ENTREP1: variants seen among roughly 807,000 people sequenced by gnomAD.
The protein encoded by ENTREP1 is endosomal transmembrane epsin interactor 1.
At chr9:69,364,296 C>T in the ENTREP1 span, among the ~76,000 whole-genome samples, 1 of 151,872 alleles carries the variant, frequency 6.6e-6, no homozygotes, top group Admixed American at 6.6e-5. Context: ...TAAGATATCA[C>T]AGCAAACAAG....
chr9:69,347,031 G>T, the ENTREP1 span, among the ~76,000 whole-genome samples: 1 of 152,236 alleles, frequency 6.6e-6, no homozygotes, highest in Admixed American at 6.5e-5. Context: ...CTAAAGGACG[G>T]ATTGGAGCAC....
the ENTREP1 span, among the ~76,000 whole-genome samples, chr9:69,391,384 T>A: frequency 6.6e-6 from 1 of 152,164 alleles, no homozygotes; most frequent in African/African-American, 2.4e-5. Context: ...CAGTTAAGTG[T>A]GGTTTACGGG....
chr9:69,355,749 C>T, the ENTREP1 span, among the ~76,000 whole-genome samples: 1 of 152,148 alleles, frequency 6.6e-6, no homozygotes, highest in African/African-American at 2.4e-5. Flanking sequence ...CTGCCCCGGA[C>T]CTCCGTGATG....
the ENTREP1 span, among the ~76,000 whole-genome samples, chr9:69,353,951 C>G: frequency 4.9e-4 from 75 of 152,264 alleles, no homozygotes; most frequent in Admixed American, 2.9e-3. Flanking sequence ...ACCCATTGCC[C>G]AGCTACAACA....
the ENTREP1 span, chr9:69,377,329 T>C: frequency 9.2e-7 from 1 of 1,087,702 alleles, no homozygotes; most frequent in Non-Finnish European, 1.4e-6. Flanking sequence ...CTGGTGATGT[T>C]TGTTGAAGTA....
the ENTREP1 span, chr9:69,387,995 T>TTATA: frequency 2.6e-6 from 4 of 1,547,694 alleles, no homozygotes; most frequent in African/African-American, 2.7e-5. Flanking sequence ...AATAACCTTG[T>TTATA]GTTGTTTTCC....
chr9:69,354,366 C>T, the ENTREP1 span, among the ~76,000 whole-genome samples: 1 of 146,946 alleles, frequency 6.8e-6, no homozygotes. Context: ...AAGTGATTCT[C>T]CTGCCCCAGT....
chr9:69,373,128 A>G, the ENTREP1 span, among the ~76,000 whole-genome samples: 2 of 152,092 alleles, frequency 1.3e-5, no homozygotes, highest in Non-Finnish European at 2.9e-5. Flanking sequence ...TTCTGATGTT[A>G]TAATTATAAA....
chr9:69,342,929 G>A, the ENTREP1 span, among the ~76,000 whole-genome samples: 1 of 152,208 alleles, frequency 6.6e-6, no homozygotes, highest in African/African-American at 2.4e-5. Context: ...TAAGAACTTG[G>A]GATCCTCAGA....
the ENTREP1 span, chr9:69,387,859 C>T: frequency 1.5e-6 from 2 of 1,295,444 alleles, no homozygotes; most frequent in South Asian, 2.9e-5. Context: ...CCCCATGAAA[C>T]TTAACCTCAT....
the ENTREP1 span, among the ~76,000 whole-genome samples, chr9:69,354,848 TA>T: frequency 6.6e-6 from 1 of 152,158 alleles, no homozygotes; most frequent in African/African-American, 2.4e-5. Flanking sequence ...TCTTTTATGT[TA>T]AAAAATGTCA....
the ENTREP1 span, among the ~76,000 whole-genome samples, chr9:69,361,732 T>A: frequency 1.1e-3 from 160 of 152,332 alleles, no homozygotes; most frequent in African/African-American, 3.5e-3. Context: ...GTCAGTATTA[T>A]TTTGAGGCTC....
At chr9:69,337,005 CTTTTTTT>C in the ENTREP1 span, among the ~76,000 whole-genome samples, 37 of 55,998 alleles carry the variant, frequency 6.6e-4, no homozygotes, top group Non-Finnish European at 9.4e-4. Flanking sequence ...GCTGTTATTC[CTTTTTTT>C]TTTTTTTTTT....
chr9:69,368,201 G>A, the ENTREP1 span, among the ~76,000 whole-genome samples: 1 of 151,804 alleles, frequency 6.6e-6, no homozygotes, highest in Non-Finnish European at 1.5e-5. Flanking sequence ...TCTCTTTCCC[G>A]ATTGCTCTGG....
the ENTREP1 span, among the ~76,000 whole-genome samples, chr9:69,353,824 T>C: frequency 3.9e-5 from 6 of 152,212 alleles, no homozygotes; most frequent in African/African-American, 1.4e-4. Flanking sequence ...AGGAATTGAC[T>C]TAGCGAAGAG....
chr9:69,385,215 C>G, the ENTREP1 span, among the ~76,000 whole-genome samples: 1 of 152,198 alleles, frequency 6.6e-6, no homozygotes, highest in Admixed American at 6.5e-5. Flanking sequence ...GCCACTGCAC[C>G]CAGCCAATTT....
the ENTREP1 span, among the ~76,000 whole-genome samples, chr9:69,342,760 T>C: frequency 1.3e-5 from 2 of 152,252 alleles, no homozygotes; most frequent in East Asian, 3.8e-4. Context: ...GATGTGTCAT[T>C]ATGTAACAAC....
chr9:69,391,794 C>G, the ENTREP1 span: 3 of 1,602,592 alleles, frequency 1.9e-6, no homozygotes, highest in African/African-American at 4.0e-5. Flanking sequence ...ATCCGAGAGA[C>G]TGTCCTGTGA....
At chr9:69,349,929 A>T in the ENTREP1 span, among the ~76,000 whole-genome samples, 7 of 152,222 alleles carry the variant, frequency 4.6e-5, no homozygotes, top group African/African-American at 1.7e-4. Flanking sequence ...TTGAATGCAT[A>T]TGGCTTTCAC....
Sources: allele counts gnomAD v4.1 joint callset (sites outside exome capture counted in the v4.1 genomes callset), GRCh38; gene constraint gnomAD v4.1.1; transcripts MANE v1.5; gene names NCBI Gene and HGNC (gene_info 2026-07-23, HGNC 2026-07-21).